SHISA9: variants seen among roughly 807,000 people sequenced by gnomAD.
The protein encoded by SHISA9 is protein shisa-9.
Under a neutral mutation model 38.0 loss-of-function variants are expected in SHISA9, and 13 were observed. That is an observed-to-expected ratio of 0.34 (90% CI 0.22 to 0.54). SHISA9 has a LOEUF of 0.54. SHISA9 is among the 20% of genes least tolerant of loss of function. SHISA9 has a pLI of 0.91. For synonymous variants in SHISA9, 275 were observed against 242.0 expected, an observed-to-expected ratio of 1.14 and a Z score of -1.27; for missense variants, 538 against 575.8, an observed-to-expected ratio of 0.93 and a Z score of 0.67.
At chr16:13,419,627 G>A in the SHISA9 span, among the ~76,000 whole-genome samples, 1 of 152,192 alleles carries the variant, frequency 6.6e-6, no homozygotes, top group African/African-American at 2.4e-5. Flanking sequence ...TAGAGTGGCT[G>A]TTTACTTACG....
At chr16:13,044,197 A>G (rs919286711) in intron 2 of SHISA9, among the ~76,000 whole-genome samples, 1 of 152,200 alleles carries the variant, frequency 6.6e-6, no homozygotes, top group African/African-American at 2.4e-5. Flanking sequence ...CAGACACGCA[A>G]ATGTAGAATC....
chr16:13,458,855 GTTTTGTT>G, the SHISA9 span, among the ~76,000 whole-genome samples: 3 of 151,160 alleles, frequency 2.0e-5, no homozygotes, highest in Non-Finnish European at 3.0e-5. Flanking sequence ...GTTTTGTTTT[GTTTTGTT>G]TTTTGTTTTT....
At chr16:13,006,069 C>A (rs1239553817) in intron 2 of SHISA9, among the ~76,000 whole-genome samples, 2 of 152,186 alleles carry the variant, frequency 1.3e-5, no homozygotes, top group African/African-American at 2.4e-5. Flanking sequence ...CGCGCACGCA[C>A]ACACACACGC....
the SHISA9 span, among the ~76,000 whole-genome samples, chr16:13,499,966 G>C: frequency 6.6e-6 from 1 of 152,176 alleles, no homozygotes; most frequent in East Asian, 1.9e-4. Flanking sequence ...CACCCCAAAG[G>C]AGTGCTGCAT....
the SHISA9 span, among the ~76,000 whole-genome samples, chr16:13,356,027 T>G: frequency 6.6e-6 from 1 of 152,208 alleles, no homozygotes; most frequent in African/African-American, 2.4e-5. Context: ...TTCTGGCACG[T>G]GTAGCAAGCT....
At chr16:13,517,827 C>T in the SHISA9 span, among the ~76,000 whole-genome samples, 14 of 152,226 alleles carry the variant, frequency 9.2e-5, no homozygotes, top group Non-Finnish European at 1.6e-4. Context: ...TAATCCTCAA[C>T]TCAGATAAAC....
the SHISA9 span, among the ~76,000 whole-genome samples, chr16:13,377,322 G>A: frequency 2.0e-5 from 3 of 152,224 alleles, no homozygotes; most frequent in African/African-American, 4.8e-5. Flanking sequence ...TGTACTCAAG[G>A]ATGAGCTGCC....
the SHISA9 span, among the ~76,000 whole-genome samples, chr16:13,288,527 G>A: frequency 6.6e-6 from 1 of 152,132 alleles, no homozygotes; most frequent in Non-Finnish European, 1.5e-5. Context: ...CAGGTGGGGT[G>A]GCTCACTCCT....
At chr16:12,904,661 A>T (rs1460108906) in intron 1 of SHISA9, among the ~76,000 whole-genome samples, 1 of 152,184 alleles carries the variant, frequency 6.6e-6, no homozygotes, top group African/African-American at 2.4e-5. Flanking sequence ...CTCCCAGTAT[A>T]CATTTTTGAG....
At chr16:13,110,511 G>A (rs1210835399) in intron 2 of SHISA9, among the ~76,000 whole-genome samples, 2 of 152,220 alleles carry the variant, frequency 1.3e-5, no homozygotes, top group East Asian at 1.9e-4. Flanking sequence ...GGACAAATGA[G>A]TCATGTTTGA....
intron 2 of SHISA9, among the ~76,000 whole-genome samples, chr16:13,021,590 C>T (rs1450657961): frequency 6.6e-6 from 1 of 152,136 alleles, no homozygotes; most frequent in Non-Finnish European, 1.5e-5. Flanking sequence ...TCATAAAAGG[C>T]AGGAAGGCCG....
the SHISA9 span, among the ~76,000 whole-genome samples, chr16:13,445,107 C>T: frequency 6.7e-6 from 1 of 150,272 alleles, no homozygotes; most frequent in Admixed American, 6.7e-5. Context: ...AGCAGTCCAC[C>T]CACCTCGGCC....
chr16:13,428,773 G>GTTTTTTTTT, the SHISA9 span, among the ~76,000 whole-genome samples: 1 of 145,330 alleles, frequency 6.9e-6, no homozygotes. Flanking sequence ...TTGTTTTATT[G>GTTTTTTTTT]TTTTTTTTTT....
intron 2 of SHISA9, among the ~76,000 whole-genome samples, chr16:13,073,223 T>TC (rs34245654): frequency 0.073 from 9,318 of 127,132 alleles, 338 homozygotes; most frequent in Middle Eastern, 0.11. Flanking sequence ...TCTCTCTCTC[T>TC]TTTTTTTTTT....
the SHISA9 span, among the ~76,000 whole-genome samples, chr16:13,391,669 G>C: frequency 6.6e-6 from 1 of 152,136 alleles, no homozygotes; most frequent in South Asian, 2.1e-4. Context: ...CAATTAAAGG[G>C]TGGAATCCAG....
chr16:13,153,120 C>T (rs1255889345), intron 2 of SHISA9, among the ~76,000 whole-genome samples: 2 of 152,128 alleles, frequency 1.3e-5, no homozygotes, highest in African/African-American at 2.4e-5. Context: ...AGGAACACGG[C>T]TTTGCTGACA....
At chr16:13,132,839 C>G (rs891110654) in intron 2 of SHISA9, among the ~76,000 whole-genome samples, 8 of 152,152 alleles carry the variant, frequency 5.3e-5, no homozygotes, top group Admixed American at 4.6e-4. Context: ...TTGTAAGAAA[C>G]TTTTCTGTTA....
At chr16:13,267,502 T>C in the SHISA9 span, among the ~76,000 whole-genome samples, 4 of 152,164 alleles carry the variant, frequency 2.6e-5, no homozygotes, top group African/African-American at 7.2e-5. Context: ...TCAACAGCCT[T>C]AAAAAGATCC....
intron 2 of SHISA9, among the ~76,000 whole-genome samples, chr16:13,169,494 A>G (rs938946900): frequency 6.6e-6 from 1 of 152,216 alleles, no homozygotes; most frequent in Non-Finnish European, 1.5e-5. Context: ...AAAAAATCAT[A>G]ATCCCATTAA....
Sources: gnomAD v4.1 joint callset for allele counts (sites outside exome capture counted in the v4.1 genomes callset) on GRCh38, gnomAD v4.1.1 for gene constraint, MANE v1.5 for transcripts, NCBI Gene and HGNC (gene_info 2026-07-23, HGNC 2026-07-21) for gene names.